RAD50: variants seen among roughly 807,000 people sequenced by gnomAD.
RAD50 encodes the protein DNA repair protein RAD50.
In RAD50, 132 loss-of-function variants were observed where a neutral mutation model predicts 168.8. The observed-to-expected ratio is 0.78, with a 90% CI of 0.68 to 0.90. The LOEUF is 0.90. RAD50 is among the 40% of genes least tolerant of loss of function. The probability of loss-of-function intolerance (pLI) is 0.00; values close to 1 mark genes in which losing one functional copy is unlikely to be tolerated. For missense variants in RAD50, 1,347 were observed against 1,534.4 expected (o/e 0.88, Z 2.04); for synonymous variants, 525 against 497.4 (o/e 1.06, Z -0.74).
chr5:132,618,086 G>A lies in RAD50; in HGVS notation c.3181G>A (p.Glu1061Lys), dbSNP rs374859609. 5 of 1,613,312 alleles carry A rather than the reference G, an allele frequency of 3.1e-6. No homozygotes were observed. Among genetic ancestry groups the A allele is most frequent in the Non-Finnish European group, 4.2e-6 (5 of 1,179,564 alleles). ...TTTTTACAGTGAACATCAGAAGTTG[G>A]AAGAGAACATAGACAATATAAAAAG... ...LQMKSEHQKL[E>K]ENIDNIKRNH... The change falls in exon 21 of 25, where the codon GAA becomes AAA. Residue 1061 changes from glutamate (E) to lysine (K), a missense_variant. Glu to Lys is a moderately conservative substitution (Grantham distance 56). Transcript: ENST00000378823.
At chr5:132,580,119 AGCATG>A in intron 5 of RAD50, 53 bp downstream of exon 5, 5 of 1,438,364 alleles carry the variant, frequency 3.5e-6, no homozygotes, top group Non-Finnish European at 4.9e-6. Context: ...TATGGTATAC[AGCATG>A]ATGTTTTGAT....
chr5:132,625,672 C>T (rs1751362210), intron 21 of RAD50, among the ~76,000 whole-genome samples: 1 of 151,954 alleles, frequency 6.6e-6, no homozygotes, highest in African/African-American at 2.4e-5. Context: ...ACTTGTTAAC[C>T]ATCTCCACTG....
intron 19 of RAD50, among the ~76,000 whole-genome samples, chr5:132,614,374 T>G (rs939244714): frequency 2.6e-5 from 4 of 152,298 alleles, no homozygotes; most frequent in African/African-American, 9.6e-5. Context: ...GTACATTAGA[T>G]TGCTTTAGCA....
chr5:132,563,281 A>G (rs886390633), intron 2 of RAD50, among the ~76,000 whole-genome samples: 2 of 152,230 alleles, frequency 1.3e-5, no homozygotes, highest in Admixed American at 6.5e-5. Flanking sequence ...ATTCTTGAGT[A>G]GGCAAAAAGA....
intron 5 of RAD50, among the ~76,000 whole-genome samples, chr5:132,584,970 G>C (rs896644340): frequency 6.8e-6 from 1 of 147,762 alleles, no homozygotes; most frequent in Non-Finnish European, 1.5e-5. Context: ...GAGGGAGGAG[G>C]GATAGCATTA....
intron 2 of RAD50, among the ~76,000 whole-genome samples, chr5:132,574,515 A>G (rs1750360976): frequency 6.6e-6 from 1 of 152,202 alleles, no homozygotes; most frequent in Admixed American, 6.5e-5. Context: ...GGTCTCTGAC[A>G]TGCCCCTGGA....
intron 19 of RAD50, among the ~76,000 whole-genome samples, chr5:132,613,530 A>G (rs1042180167): frequency 9.2e-5 from 14 of 151,530 alleles, no homozygotes; most frequent in African/African-American, 3.4e-4. Flanking sequence ...GCATTTTATT[A>G]GCAATTATTG....
At chr5:132,617,691 T>G (rs1375731144) in intron 20 of RAD50, among the ~76,000 whole-genome samples, 1 of 152,196 alleles carries the variant, frequency 6.6e-6, no homozygotes, top group African/African-American at 2.4e-5. Flanking sequence ...TGAAGCCTGT[T>G]ATCCATAACT....
At chr5:132,613,967 TTAAAC>T in intron 19 of RAD50, among the ~76,000 whole-genome samples, 1 of 152,308 alleles carries the variant, frequency 6.6e-6, no homozygotes, top group East Asian at 1.9e-4. Flanking sequence ...TTCAGAGAAT[TTAAAC>T]TAATTTGCCC....
chr5:132,640,705 G>T lies in RAD50; in HGVS notation c.3652G>T (p.Ala1218Ser), dbSNP rs1581023702. The T allele has an allele frequency of 6.2e-7, 1 of 1,614,210 alleles. No individual in the cohort carries two copies. The highest frequency in any genetic ancestry group is 8.5e-7 in the Non-Finnish European group (1 of 1,180,038). ...CTCACTCATCATTCGCCTGGCCCTG[G>T]CTGAAACGTTCTGCCTCAACTGTGG... Reference protein sequence around the residue: ...LASLIIRLALAETFCLNCGII... With the variant: ...LASLIIRLALSETFCLNCGII... The change falls in exon 24 of 25, where the codon GCT becomes TCT. Residue 1218 changes from alanine to serine, a missense_variant. Coordinates refer to ENST00000378823, the MANE Select transcript of RAD50 (RefSeq NM_005732.4).
At chr5:132,594,807 T>A (rs1396618907) in intron 11 of RAD50, 62 bp from the exon 12 acceptor site, 1 of 1,502,898 alleles carries the variant, frequency 6.7e-7, no homozygotes, top group Middle Eastern at 2.2e-4. Flanking sequence ...TTTTGCCTAC[T>A]CAAATTTTCA....
intron 21 of RAD50, among the ~76,000 whole-genome samples, chr5:132,633,739 C>G (rs1751519406): frequency 6.6e-6 from 1 of 151,984 alleles, no homozygotes; most frequent in Admixed American, 6.6e-5. Flanking sequence ...CCACACCCAG[C>G]TAATTTTTAA....
At chr5:132,612,039 CAT>C (rs1751097496) in intron 19 of RAD50, among the ~76,000 whole-genome samples, 1 of 152,118 alleles carries the variant, frequency 6.6e-6, no homozygotes, top group Admixed American at 6.5e-5. Context: ...AAATTGAAAA[CAT>C]ATGTTCCCAC....
chr5:132,591,539 CTA>C lies in RAD50; in HGVS notation c.1635+138_1635+139del, dbSNP rs796074391. The C allele has an allele frequency of 9.3e-5, 80 of 858,150 alleles. No individual in the cohort carries two copies. The African/African-American group carries it at 1.2e-3, about 13-fold the overall frequency. 53.2% of individuals were successfully genotyped at this position (858,150 alleles called of 1,614,324 possible). On this transcript the variant is annotated intron_variant, in intron 10 of 24. Transcript: ENST00000378823. ...TTAGAGGCTAAGTGAGCTTAGTACT[CTA>C]TATAATAGACTTTCAAGCTTAAAAG...
chr5:132,561,277 C>T (rs989931915), intron 2 of RAD50, among the ~76,000 whole-genome samples: 1 of 152,126 alleles, frequency 6.6e-6, no homozygotes, highest in Non-Finnish European at 1.5e-5. Context: ...TTACTGCAAC[C>T]TCTGTCTCTC....
intron 3 of RAD50, among the ~76,000 whole-genome samples, chr5:132,576,444 C>G (rs1259430542): frequency 6.6e-6 from 1 of 152,184 alleles, no homozygotes; most frequent in Non-Finnish European, 1.5e-5. Context: ...GGGGATTAGA[C>G]TACCTTAGAT....
Position 132,557,188 on chromosome 5 carries a change from C to G in RAD50, c.-137C>G. Reference sequence around the variant, plus strand: ...TTGGCTGGCAGGATCTTTTGGCAGTCCTGTGGCCTCGCTCCCCGCCCGGAT... The same window carrying G: ...TTGGCTGGCAGGATCTTTTGGCAGTGCTGTGGCCTCGCTCCCCGCCCGGAT... On this transcript the variant is annotated 5_prime_UTR_variant, in exon 1 of 25. Transcript: ENST00000378823. 1 of 1,209,568 alleles carries G rather than the reference C, an allele frequency of 8.3e-7. No homozygotes were observed. The highest frequency in any genetic ancestry group is 1.2e-6 in the Non-Finnish European group (1 of 827,656). The allele number at this position is 1,209,568 out of a possible 1,614,324, so 74.9% of individuals were successfully genotyped here.
In RAD50 at chr5:132,594,950, C is replaced by T. The variant is rs149201802; in HGVS notation, c.1875C>T (p.Tyr625=). The change falls in exon 12 of 25, where the codon TAC becomes TAT. Residue 625 remains tyrosine (Y), a synonymous_variant. Coordinates refer to ENST00000378823, the MANE Select transcript of RAD50 (RefSeq NM_005732.4). The part of the protein sequence containing the change: ...LKRKEEQLSS[Y]EDKLFDVCGS... ...GAAAGGAAGAGCAGTTGTCCAGTTA[C>T]GAAGACAAGCTGTTTGATGTTTGTG... is the stretch of plus-strand genomic sequence containing the variant. 127 of 1,610,682 alleles carry T rather than the reference C, an allele frequency of 7.9e-5. 1 individual carries two copies. The highest frequency in any genetic ancestry group is 4.7e-4 in the African/African-American group (35 of 74,912).
intron 19 of RAD50, among the ~76,000 whole-genome samples, chr5:132,614,216 G>C (rs1350610074): frequency 6.6e-6 from 1 of 152,186 alleles, no homozygotes; most frequent in Admixed American, 6.5e-5. Context: ...GCACTTTAAA[G>C]AGTCCTTTCA....
Sources: allele counts gnomAD v4.1 joint callset (sites outside exome capture counted in the v4.1 genomes callset), GRCh38; gene constraint gnomAD v4.1.1; transcripts MANE v1.5; gene names NCBI Gene and HGNC (gene_info 2026-07-23, HGNC 2026-07-21).